The following DLG5 variants were observed in gnomAD, a reference collection of about 807,000 sequenced individuals.
DLG5 encodes the protein discs large MAGUK scaffold protein 5.
In DLG5, 48 loss-of-function variants were observed where a neutral mutation model predicts 189.8. That is an observed-to-expected ratio of 0.25 (90% CI 0.20 to 0.32). The LOEUF (loss-of-function observed/expected upper bound fraction) is 0.32, where lower values mean the gene tolerates loss of function less well. Among genes scored for constraint, DLG5 ranks in the 10% least tolerant of loss-of-function variants. The pLI is 1.00. For synonymous variants in DLG5, 1,016 were observed against 1,054.1 expected (o/e 0.96, Z 0.70); for missense variants, 2,160 against 2,544.7 (o/e 0.85, Z 3.25).
intron 18 of DLG5, among the ~76,000 whole-genome samples, chr10:77,817,334 G>A (rs745573042): frequency 3.3e-5 from 5 of 152,138 alleles, no homozygotes; most frequent in Non-Finnish European, 7.4e-5. Flanking sequence ...TTCCAGCCAC[G>A]GAACAGCAGC....
intron 13 of DLG5, among the ~76,000 whole-genome samples, chr10:77,825,915 T>A (rs528964361): frequency 2.2e-4 from 33 of 152,198 alleles, no homozygotes. Flanking sequence ...GTAAATTAAT[T>A]TGTGGTTTTT....
At chr10:77,830,914 TG>T (rs1842867504) in intron 9 of DLG5, 41 bp from the exon 10 acceptor site, 1 of 1,607,322 alleles carries the variant, frequency 6.2e-7, no homozygotes, top group African/African-American at 1.3e-5. Context: ...CCTTGGGAGG[TG>T]AAACATCCCA....
At chr10:77,836,775 C>T (rs1011620607) in intron 7 of DLG5, among the ~76,000 whole-genome samples, 1 of 152,028 alleles carries the variant, frequency 6.6e-6, no homozygotes, top group African/African-American at 2.4e-5. Flanking sequence ...AGTGCAGTGG[C>T]AGGCTTTCCT....
intron 8 of DLG5, among the ~76,000 whole-genome samples, 187 bp from the exon 9 acceptor site, chr10:77,834,226 G>A (rs1843014537): frequency 6.6e-6 from 1 of 152,084 alleles, no homozygotes; most frequent in Non-Finnish European, 1.5e-5. Flanking sequence ...CATGACAGAG[G>A]GAATGTGGAG....
chr10:77,795,455 A>G (rs1478357899), intron 29 of DLG5, among the ~76,000 whole-genome samples: 1 of 152,064 alleles, frequency 6.6e-6, no homozygotes. Context: ...GCCCACTTTC[A>G]GCAGTGAGAA....
intron 8 of DLG5, 111 bp from the exon 9 acceptor site, chr10:77,834,150 C>T (rs919371036): frequency 7.1e-7 from 1 of 1,406,774 alleles, no homozygotes. Flanking sequence ...CGGCACCTAT[C>T]CCATCCCCAG....
chr10:77,834,032 A>C lies in DLG5; in HGVS notation c.1630T>G (p.Cys544Gly), dbSNP rs1263400773. 6.2e-7 allele frequency: 1 copy of C among 1,609,434 alleles called. No individual in the cohort carries two copies. The highest frequency in any genetic ancestry group is 1.3e-5 in the African/African-American group (1 of 74,918). The stretch of plus-strand genomic sequence containing the variant: ...TCCCGCTCCCGCCTCAGGTTGTCAC[A>C]CAGTGTCCTGGTGGAAGGAGCAGAG... ...VAERDSIRTL[C>G]DNLRRERDRA... The change falls in exon 9 of 32, where the codon TGT (cysteine) becomes GGT (glycine). Residue 544 changes from cysteine to glycine, a missense_variant. Around this residue, in one of 5 missense-constraint regions of DLG5, gnomAD observed 664 missense variants for 838.5 expected, o/e 0.79. Transcript: ENST00000372391.
chr10:77,918,510 T>C (rs1184054993), intron 1 of DLG5, among the ~76,000 whole-genome samples: 2 of 152,148 alleles, frequency 1.3e-5, no homozygotes, highest in East Asian at 3.8e-4. Flanking sequence ...AGCCTTAGTG[T>C]GAAATGAACG....
intron 30 of DLG5, 71 bp from the exon 31 acceptor site, chr10:77,794,188 G>A: frequency 1.4e-6 from 2 of 1,412,090 alleles, no homozygotes; most frequent in Non-Finnish European, 2.0e-6. Flanking sequence ...CTCTGTCCAG[G>A]CTAACAGGGG....
At position 77,828,998 on chromosome 10, in the gene DLG5, G is replaced by A. The variant is rs764999367; in HGVS notation, c.2186-13C>T. On this transcript the variant is annotated splice_polypyrimidine_tract_variant and intron_variant, in intron 12 of 31. Transcript: ENST00000372391. ...CTGATGCCACTGTCTGCAAGCCACAGGAGGTCACTGGGTAGCCCCTGGCCT... is the reference window on the plus strand; with the variant it reads ...CTGATGCCACTGTCTGCAAGCCACAAGAGGTCACTGGGTAGCCCCTGGCCT... 1.9e-6 allele frequency: 3 copies of A among 1,613,530 alleles called. No homozygotes were observed. The highest frequency in any genetic ancestry group is 2.5e-6 in the Non-Finnish European group (3 of 1,179,706).
chr10:77,885,428 G>C (rs1332418409), intron 1 of DLG5, among the ~76,000 whole-genome samples: 4 of 152,216 alleles, frequency 2.6e-5, no homozygotes, highest in Non-Finnish European at 5.9e-5. Context: ...CGTGGGCAAT[G>C]CTCAGAAAAG....
intron 2 of DLG5, among the ~76,000 whole-genome samples, chr10:77,863,673 C>G (rs1032489427): frequency 6.6e-6 from 1 of 152,198 alleles, no homozygotes; most frequent in African/African-American, 2.4e-5. Flanking sequence ...TCTCCCGTGA[C>G]CTCAGGCTTT....
chr10:77,841,639 C>T (rs1360551974), intron 7 of DLG5, among the ~76,000 whole-genome samples: 5 of 152,260 alleles, frequency 3.3e-5, no homozygotes, highest in African/African-American at 4.8e-5. Flanking sequence ...GTGTAAGCTC[C>T]GGGCAGCCAT....
chr10:77,833,850 A>T (rs1842991814), intron 9 of DLG5, 64 bp downstream of exon 9: 4 of 1,586,104 alleles, frequency 2.5e-6, no homozygotes, highest in Non-Finnish European at 2.6e-6. Flanking sequence ...CCTTGCCCAG[A>T]AGGGAGAGGG....
intron 4 of DLG5, 80 bp from the exon 5 acceptor site, chr10:77,853,617 G>T (rs1324012186): frequency 5.1e-6 from 7 of 1,364,674 alleles, no homozygotes; most frequent in Non-Finnish European, 6.8e-6. Context: ...ACCAGCCTCA[G>T]GTCCCAACAC....
chr10:77,861,425 A>G (rs1844465238), intron 2 of DLG5, among the ~76,000 whole-genome samples: 1 of 152,250 alleles, frequency 6.6e-6, no homozygotes, highest in Admixed American at 6.5e-5. Flanking sequence ...ACGAGGCAAC[A>G]TAAAGATGCA....
chr10:77,841,871 A>T lies in DLG5; in HGVS notation c.1437+10T>A, dbSNP rs1468985710. 1 of 1,602,240 alleles carries T rather than the reference A, an allele frequency of 6.2e-7. No individual in the cohort carries two copies. The highest frequency in any genetic ancestry group is 1.7e-5 in the Admixed American group (1 of 59,784). On this transcript the variant is annotated intron_variant, in intron 7 of 31. Transcript: ENST00000372391. ...GAGGCTGAAAGCCAGCCACCGGCCCACCCACCTACCTGCCGCAGCGCCTCC... is the reference window on the plus strand; with the variant it reads ...GAGGCTGAAAGCCAGCCACCGGCCCTCCCACCTACCTGCCGCAGCGCCTCC...
intron 5 of DLG5, among the ~76,000 whole-genome samples, chr10:77,845,934 TAAA>T (rs1209911526): frequency 9.2e-5 from 9 of 97,510 alleles, no homozygotes; most frequent in East Asian, 3.2e-4. Context: ...AATCTTTCTT[TAAA>T]AAAAAAAAAA....
At chr10:77,827,417 G>C (rs1382598062) in intron 13 of DLG5, among the ~76,000 whole-genome samples, 1 of 152,036 alleles carries the variant, frequency 6.6e-6, no homozygotes, top group Non-Finnish European at 1.5e-5. Flanking sequence ...GTAAAGACAG[G>C]GTTTCACCAC....
Sources: gnomAD v4.1 joint callset for allele counts (sites outside exome capture counted in the v4.1 genomes callset) on GRCh38, gnomAD v4.1.1 for gene constraint, gnomAD v4.1.1 regional missense constraint, MANE v1.5 for transcripts, NCBI Gene and HGNC (gene_info 2026-07-23, HGNC 2026-07-21) for gene names.